HAPLN3: variants seen among roughly 807,000 people sequenced by gnomAD.
The protein encoded by HAPLN3 is hyaluronan and proteoglycan link protein 3.
In HAPLN3, 28 loss-of-function variants were observed where a neutral mutation model predicts 28.1. The ratio of observed to expected loss-of-function variants is 1.00; its 90% confidence interval spans 0.74 to 1.37. HAPLN3 has a LOEUF of 1.37. HAPLN3 is among the 40% of genes most tolerant of loss of function. HAPLN3 has a pLI of 0.00. For synonymous variants in HAPLN3, 211 were observed against 213.1 expected (o/e 0.99, Z 0.09); for missense variants, 513 against 504.6 (o/e 1.02, Z -0.16).
chr15:88,885,808 A>G (rs1485606392), intron 2 of HAPLN3, among the ~76,000 whole-genome samples: 1 of 151,752 alleles, frequency 6.6e-6, no homozygotes, highest in Non-Finnish European at 1.5e-5. Context: ...GCTGGCCTTG[A>G]ACTCCTGACC....
chr15:88,879,082 C>A lies in HAPLN3; in HGVS notation c.681G>T (p.Met227Ile). Residue 227 changes from methionine to isoleucine, a missense_variant, in exon 4 of 5, where the codon ATG becomes ATT. Met to Ile is a conservative substitution (Grantham distance 10). Coordinates refer to ENST00000359595, the MANE Select transcript of HAPLN3 (RefSeq NM_178232.4). This position sits in a 1 kb window ranked among gnomAD's most constrained non-coding sequence, Gnocchi z 5.0. ...GGCCACCGCAGGGCTGCCGGGGCAACATGATGGGGTACTGCACCGTGGCAT... is the reference window on the plus strand; with the variant it reads ...GGCCACCGCAGGGCTGCCGGGGCAAAATGATGGGGTACTGCACCGTGGCAT... ...LQDATVQYPI[M>I]LPRQPCGGPG... The A allele has an allele frequency of 5.0e-6, 8 of 1,609,964 alleles. No individual in the cohort carries two copies. Among genetic ancestry groups the A allele is most frequent in the Non-Finnish European group, 6.8e-6 (8 of 1,178,186 alleles).
chr15:88,887,310 AG>A lies in HAPLN3; in HGVS notation c.-13del. ...AGCAACAGGCCCATCTCCTCATGCC[AG>A]GGTGACCCGGGCCAGGCTGGGGCCC... On this transcript the variant is annotated 5_prime_UTR_variant, in exon 2 of 5. Coordinates refer to ENST00000359595, the MANE Select transcript of HAPLN3 (RefSeq NM_178232.4). 6.2e-7 allele frequency: 1 copy of A among 1,613,906 alleles called. No homozygotes were observed. The highest frequency in any genetic ancestry group is 8.5e-7 in the Non-Finnish European group (1 of 1,179,834).
chr15:88,894,883 T>C (rs1167087480), intron 1 of HAPLN3, among the ~76,000 whole-genome samples: 1 of 151,876 alleles, frequency 6.6e-6, no homozygotes, highest in Non-Finnish European at 1.5e-5. Context: ...TCGCTGTCCC[T>C]GGGGCAAGAA....
chr15:88,882,314 G>T lies in HAPLN3; in HGVS notation c.125-589C>A, dbSNP rs550077949. On this transcript the variant is annotated intron_variant, in intron 2 of 4. Transcript: ENST00000359595. ...TAAAGAAGTCACTAAGTTTTGGGTG[G>T]TTTGCTATGCATAAAATCTAACCAA... Among the ~76,000 whole-genome samples the T allele has an allele frequency of 2.6e-5, 4 of 152,314 alleles. No homozygotes were observed. The South Asian group carries it at 8.3e-4, about 32-fold the overall frequency.
Position 88,887,131 on chromosome 15 carries a change from G to C in HAPLN3, c.124+44C>G, listed in dbSNP as rs372167134. 4.7e-5 allele frequency: 76 copies of C among 1,607,490 alleles called. No homozygotes were observed. In the African/African-American group the frequency reaches 7.9e-4, roughly 17 times the overall value. ...TCACAGCAAGAGCCAAGGAGGTCTAGGTCACCCAGGGGAGCAAAGAGCCGG... is the reference window on the plus strand; with the variant it reads ...TCACAGCAAGAGCCAAGGAGGTCTACGTCACCCAGGGGAGCAAAGAGCCGG... On this transcript the variant is annotated intron_variant, in intron 2 of 4. Transcript: ENST00000359595.
chr15:88,889,521 AG>A (rs940475113), intron 1 of HAPLN3, among the ~76,000 whole-genome samples: 4 of 152,084 alleles, frequency 2.6e-5, no homozygotes, highest in Non-Finnish European at 5.9e-5. Flanking sequence ...TTTTTTGTAG[AG>A]ACGGGGTTTC....
intron 1 of HAPLN3, among the ~76,000 whole-genome samples, chr15:88,894,642 C>T (rs1898108114): frequency 6.6e-6 from 1 of 152,240 alleles, no homozygotes; most frequent in Non-Finnish European, 1.5e-5. Context: ...CTCTCAATCG[C>T]TGCCCCCTAC....
In HAPLN3 at chr15:88,888,747, G is replaced by A. The variant is rs1271606835; in HGVS notation, c.-47-1402C>T. Among the ~76,000 whole-genome samples the A allele has an allele frequency of 6.6e-6, 1 of 152,166 alleles. No individual in the cohort carries two copies. The highest frequency in any genetic ancestry group is 6.5e-5 in the Admixed American group (1 of 15,276). ...TTGATTGCTGTGTGTTGAGTACCAC[G>A]ATGGAGGTACAGAAACGGGAATGTC... On this transcript the variant is annotated intron_variant, in intron 1 of 4. Coordinates refer to ENST00000359595, the MANE Select transcript of HAPLN3 (RefSeq NM_178232.4). This position sits in a 1 kb window ranked among gnomAD's most constrained non-coding sequence, Gnocchi z 4.1.
intron 1 of HAPLN3, chr15:88,893,209 G>C (rs1376644787): frequency 1.5e-6 from 1 of 663,590 alleles, no homozygotes; most frequent in Non-Finnish European, 2.7e-6. Context: ...CTGAGGTCAG[G>C]AGTTCGAGAC....
chr15:88,878,185 C>T lies in HAPLN3; in HGVS notation c.868G>A (p.Asp290Asn). 1 of 1,614,198 alleles carries T rather than the reference C, an allele frequency of 6.2e-7. No homozygotes were observed. The highest frequency in any genetic ancestry group is 1.7e-5 in the Admixed American group (1 of 60,020). Residue 290 changes from aspartate to asparagine, a missense_variant, in exon 5 of 5, where the codon GAT becomes AAT. Coordinates refer to ENST00000359595, the MANE Select transcript of HAPLN3 (RefSeq NM_178232.4). Reference protein sequence around the residue: ...TEAREACQEDDATIAKVGQLF... With the variant: ...TEAREACQEDNATIAKVGQLF... Reference sequence around the variant, plus strand: ...TGTCCCACCTTGGCGATCGTGGCATCATCTTCCTGGCAGGCCTCCCTTGCC... The same window carrying T: ...TGTCCCACCTTGGCGATCGTGGCATTATCTTCCTGGCAGGCCTCCCTTGCC...
Position 88,881,346 on chromosome 15 carries a change from T to G in HAPLN3, c.493+11A>C. 1.2e-6 allele frequency: 2 copies of G among 1,605,088 alleles called. No individual in the cohort carries two copies. The highest frequency in any genetic ancestry group is 1.7e-6 in the Non-Finnish European group (2 of 1,175,426). ...GGTCCCAGTGTCACCCAGTCCCCGT[T>G]AGCATCTCACCCCGCAGCTCCAGCT... On this transcript the variant is annotated intron_variant, in intron 3 of 4. Transcript: ENST00000359595. This position sits in a 1 kb window ranked among gnomAD's most constrained non-coding sequence, Gnocchi z 6.0.
chr15:88,879,136 C>T lies in HAPLN3; in HGVS notation c.627G>A (p.Leu209=), dbSNP rs771710057. 1 of 1,613,704 alleles carries T rather than the reference C, an allele frequency of 6.2e-7. No homozygotes were observed. The highest frequency in any genetic ancestry group is 8.5e-7 in the Non-Finnish European group (1 of 1,179,920). The change falls in exon 4 of 5, where the codon CTG becomes CTA. Residue 209 remains leucine (L), a synonymous_variant. Transcript: ENST00000359595. The surrounding 1 kb of genome is among the most constrained non-coding windows in gnomAD (Gnocchi z 5.0). The stretch of plus-strand genomic sequence containing the variant: ...GCAGCCAGCCCGCGTTGCACCAGTC[C>T]AGGCCCTCCTCCCAGGCCCGGAAGA... ...EQLFRAWEEG[L]DWCNAGWLQD... is the part of the protein sequence containing the mutation.
At chr15:88,884,380 C>T (rs139745565) in intron 2 of HAPLN3, among the ~76,000 whole-genome samples, 8 of 152,238 alleles carry the variant, frequency 5.3e-5, no homozygotes, top group African/African-American at 1.7e-4. Flanking sequence ...CTGGCTAACA[C>T]GGTGAAACCC....
At position 88,877,911 on chromosome 15, in the gene HAPLN3, C is replaced by T. The variant is rs531099004; in HGVS notation, c.*59G>A. 1.4e-5 allele frequency: 21 copies of T among 1,486,496 alleles called. No individual in the cohort carries two copies. The highest frequency in any genetic ancestry group is 4.6e-5 in the East Asian group (2 of 43,606). 92.1% of individuals were successfully genotyped at this position (1,486,496 alleles called of 1,614,324 possible). On this transcript the variant is annotated 3_prime_UTR_variant, in exon 5 of 5. Transcript: ENST00000359595. This position sits in a 1 kb window ranked among gnomAD's most constrained non-coding sequence, Gnocchi z 5.1. ...AATGGCTCCAACCCACAAGGGAAAA[C>T]GAACCACTCAATAAATACACAGCCA...
chr15:88,886,078 G>A (rs1243221037), intron 2 of HAPLN3, among the ~76,000 whole-genome samples: 4 of 152,078 alleles, frequency 2.6e-5, no homozygotes, highest in South Asian at 2.1e-4. Context: ...GGCAAGGCTC[G>A]TTGGCTCACG....
chr15:88,886,104 T>C (rs1897845697), intron 2 of HAPLN3, among the ~76,000 whole-genome samples: 1 of 151,558 alleles, frequency 6.6e-6, no homozygotes, highest in Non-Finnish European at 1.5e-5. Context: ...AATCCCAGCA[T>C]TTTGGGAGGC....
chr15:88,878,881 G>A lies in HAPLN3; in HGVS notation c.796+86C>T. ...GGCAGTACCAGCAGAGCCAGCAGAG[G>A]GGGCCAGAGCTCCCCAGAAGCTGCC... On this transcript the variant is annotated intron_variant, in intron 4 of 4. Coordinates refer to ENST00000359595, the MANE Select transcript of HAPLN3 (RefSeq NM_178232.4). 4 of 1,381,014 alleles carry A rather than the reference G, an allele frequency of 2.9e-6. No homozygotes were observed. In the East Asian group the frequency reaches 1.0e-4, roughly 35 times the overall value. The allele number at this position is 1,381,014 out of a possible 1,614,324, so 85.5% of individuals were successfully genotyped here.
At position 88,881,753 on chromosome 15, in the gene HAPLN3, G is replaced by A. The variant is rs757170721; in HGVS notation, c.125-28C>T. ...TGGGGGAGAGACAGGGTGCAGATGA[G>A]ACCTGCTGAAGCACATCTGTACCCC... On this transcript the variant is annotated intron_variant, in intron 2 of 4. Coordinates refer to ENST00000359595, the MANE Select transcript of HAPLN3 (RefSeq NM_178232.4). This position sits in a 1 kb window ranked among gnomAD's most constrained non-coding sequence, Gnocchi z 6.0. The A allele has an allele frequency of 6.3e-7, 1 of 1,584,666 alleles. No homozygotes were observed. Among genetic ancestry groups the A allele is most frequent in the Non-Finnish European group, 8.6e-7 (1 of 1,163,116 alleles).
chr15:88,893,306 T>A (rs1421024606), intron 1 of HAPLN3, among the ~76,000 whole-genome samples: 1 of 151,812 alleles, frequency 6.6e-6, no homozygotes, highest in Admixed American at 6.6e-5. Flanking sequence ...TAATCCCAGC[T>A]ACTGGGGTGG....
Sources: gnomAD v4.1 joint callset for allele counts (sites outside exome capture counted in the v4.1 genomes callset) on GRCh38, gnomAD v4.1.1 for gene constraint, Gnocchi (gnomAD v3.1) non-coding constraint, MANE v1.5 for transcripts, NCBI Gene and HGNC (gene_info 2026-07-23, HGNC 2026-07-21) for gene names.